Variants in TG observed in about 807,000 individuals in gnomAD.
TG encodes thyroid hormones.
In TG, 270 loss-of-function variants were observed where a neutral mutation model predicts 324.7. The observed-to-expected ratio is 0.83, with a 90% CI of 0.75 to 0.92. The LOEUF is 0.92. TG is among the 40% of genes least tolerant of loss of function. TG has a pLI of 0.00. For synonymous variants in TG, 1,401 were observed against 1,327.0 expected (o/e 1.06, Z -1.21); for missense variants, 3,591 against 3,456.4 (o/e 1.04, Z -0.98).
chr8:133,133,347 G>A (rs1852090347), intron 46 of TG, 123 bp from the exon 47 acceptor site: 6 of 1,020,284 alleles, frequency 5.9e-6, no homozygotes, highest in Non-Finnish European at 9.2e-6. Context: ...TTCACATGCA[G>A]CCTTGACACC....
intron 35 of TG, among the ~76,000 whole-genome samples, chr8:132,995,931 A>G (rs1441734541): frequency 1.3e-5 from 2 of 152,244 alleles, no homozygotes; most frequent in African/African-American, 2.4e-5. Context: ...TAAACTGAAC[A>G]GATGCTGGGC....
intron 23 of TG, among the ~76,000 whole-genome samples, chr8:132,931,700 C>T (rs1004816525): frequency 6.6e-6 from 1 of 152,092 alleles, no homozygotes; most frequent in African/African-American, 2.4e-5. Context: ...CTGAATTTGT[C>T]CCTGAGCCCG....
intron 22 of TG, among the ~76,000 whole-genome samples, chr8:132,927,742 C>T (rs1283282835): frequency 2.0e-5 from 3 of 152,320 alleles, no homozygotes; most frequent in South Asian, 4.1e-4. Flanking sequence ...TAATTAGAAA[C>T]TGAAAGACCT....
intron 35 of TG, among the ~76,000 whole-genome samples, chr8:133,009,009 C>T (rs1834263154): frequency 6.6e-6 from 1 of 152,182 alleles, no homozygotes; most frequent in Admixed American, 6.5e-5. Context: ...GGGGTTCATG[C>T]AGGCCAGGGG....
chr8:132,929,336 C>A, intron 23 of TG, 144 bp downstream of exon 23: 1 of 691,786 alleles, frequency 1.4e-6, no homozygotes, highest in Non-Finnish European at 2.5e-6. Flanking sequence ...GAATTGATTT[C>A]CAGAATGCAT....
intron 43 of TG, among the ~76,000 whole-genome samples, chr8:133,105,907 T>C (rs1029792168): frequency 4.6e-5 from 7 of 152,090 alleles, no homozygotes; most frequent in Non-Finnish European, 8.8e-5. Context: ...ATCAGTGACC[T>C]TGATGGAGGT....
At chr8:132,900,452 G>A (rs773545257) in intron 15 of TG, 113 bp downstream of exon 15, 2 of 971,054 alleles carry the variant, frequency 2.1e-6, no homozygotes, top group Non-Finnish European at 3.2e-6. Context: ...AGCTGTGGGG[G>A]CACAGCTGCT....
chr8:133,114,576 T>G (rs572706824), intron 44 of TG, among the ~76,000 whole-genome samples: 65 of 152,344 alleles, frequency 4.3e-4, no homozygotes, highest in African/African-American at 1.5e-3. Context: ...GAGACCACAG[T>G]GGGGACTGCA....
intron 35 of TG, among the ~76,000 whole-genome samples, chr8:133,003,429 G>A (rs1355797217): frequency 4.7e-5 from 7 of 147,568 alleles, no homozygotes; most frequent in African/African-American, 1.8e-4. Context: ...TTTTTTTGTG[G>A]TGAGAACATT....
intron 22 of TG, among the ~76,000 whole-genome samples, chr8:132,925,516 C>CGTGTGTATGT (rs1554670099): frequency 7.6e-5 from 11 of 144,732 alleles, no homozygotes; most frequent in Non-Finnish European, 1.7e-4. Context: ...CTAAGGAGTG[C>CGTGTGTATGT]GTGTGTGTGT....
chr8:132,881,882 A>T lies in TG; in HGVS notation c.658A>T (p.Thr220Ser). ...TCCAAGGTTTCCAGATGCATTTGTGACCTTCAGTTCCTTCCAGAGGAGGTT... is the reference window on the plus strand; with the variant it reads ...TCCAAGGTTTCCAGATGCATTTGTGTCCTTCAGTTCCTTCCAGAGGAGGTT... ...SYNRFPDAFV[T>S]FSSFQRRFPE... The change falls in exon 6 of 48, where the codon ACC becomes TCC. Residue 220 changes from threonine (T) to serine (S), a missense_variant. Coordinates refer to ENST00000220616, the MANE Select transcript of TG (RefSeq NM_003235.5). The T allele has an allele frequency of 6.2e-7, 1 of 1,613,650 alleles. No individual in the cohort carries two copies. Among genetic ancestry groups the T allele is most frequent in the Non-Finnish European group, 8.5e-7 (1 of 1,179,560 alleles).
At chr8:133,006,661 C>G (rs140520545) in intron 35 of TG, among the ~76,000 whole-genome samples, 181 of 152,366 alleles carry the variant, frequency 1.2e-3, no homozygotes, top group African/African-American at 4.2e-3. Flanking sequence ...GGAGGCATAT[C>G]CTTGCTAGAC....
chr8:132,917,354 G>A (rs1276871035), intron 20 of TG, among the ~76,000 whole-genome samples: 1 of 151,532 alleles, frequency 6.6e-6, no homozygotes, highest in Non-Finnish European at 1.5e-5. Flanking sequence ...TCAGACAAGA[G>A]CAGACAGAAG....
intron 35 of TG, among the ~76,000 whole-genome samples, chr8:132,985,740 G>A (rs148526285): frequency 9.2e-4 from 140 of 152,218 alleles, no homozygotes; most frequent in South Asian, 1.2e-3. Context: ...GCTGCAGATC[G>A]TGTGGGTGCT....
intron 34 of TG, among the ~76,000 whole-genome samples, chr8:132,979,467 A>G (rs143642962): frequency 6.6e-5 from 10 of 152,286 alleles, no homozygotes; most frequent in African/African-American, 2.2e-4. Flanking sequence ...TGTCTCTGCA[A>G]CCCACATAGA....
Position 132,966,551 on chromosome 8 carries a change from C to A in TG, c.5549-9C>A, listed in dbSNP as rs77157347. The A allele has an allele frequency of 0.011, 17,758 of 1,613,892 alleles. 1,026 individuals are homozygous for A. In the African/African-American group the frequency reaches 0.16, roughly 15 times the overall value. On this transcript the variant is annotated splice_polypyrimidine_tract_variant and intron_variant, in intron 29 of 47. Transcript: ENST00000220616. ...GGTGCAGGAAGTTGACTCCCTGCTT[C>A]TTTTTCAGGTTTGACAACAGAACTT...
chr8:133,103,846 G>A (rs1390465314), intron 43 of TG, among the ~76,000 whole-genome samples: 1 of 152,214 alleles, frequency 6.6e-6, no homozygotes, highest in African/African-American at 2.4e-5. Context: ...GGGCACAGTT[G>A]TAACCTAAAC....
chr8:132,969,484 T>G lies in TG; in HGVS notation c.5890T>G (p.Phe1964Val), dbSNP rs867855657. ...KVILEDKVKNFYTRLPFQKLM... is the reference protein window; with the variant it reads ...KVILEDKVKNVYTRLPFQKLM... The stretch of plus-strand genomic sequence containing the variant: ...TATACTGGAAGATAAAGTGAAGAAC[T>G]TTTACACTCGCCTGCCGTTCCAAAA... The change falls in exon 32 of 48, where the codon TTT becomes GTT. Residue 1964 changes from phenylalanine to valine, a missense_variant. Transcript: ENST00000220616. 1.9e-6 allele frequency: 3 copies of G among 1,613,840 alleles called. No individual in the cohort carries two copies. Among genetic ancestry groups the G allele is most frequent in the Non-Finnish European group, 1.7e-6 (2 of 1,179,752 alleles).
intron 41 of TG, among the ~76,000 whole-genome samples, chr8:133,071,657 G>GGGA (rs1844058762): frequency 6.6e-6 from 1 of 152,018 alleles, no homozygotes; most frequent in African/African-American, 2.4e-5. Flanking sequence ...GAGGAGTGGG[G>GGGA]GGAGGAGGCG....
Sources: gnomAD v4.1 joint callset for allele counts (sites outside exome capture counted in the v4.1 genomes callset) on GRCh38, gnomAD v4.1.1 for gene constraint, MANE v1.5 for transcripts, NCBI Gene and HGNC (gene_info 2026-07-23, HGNC 2026-07-21) for gene names.